Variants in RIMS2 observed in about 807,000 individuals in gnomAD.
RIMS2 encodes the protein regulating synaptic membrane exocytosis 2, also known as regulating synaptic membrane exocytosis protein 2.
Under a neutral mutation model 174.4 loss-of-function variants are expected in RIMS2, and 59 were observed. The ratio of observed to expected loss-of-function variants is 0.34; its 90% CI spans 0.27 to 0.42. RIMS2 has a LOEUF of 0.42. RIMS2 is among the 10% of genes least tolerant of loss of function. The pLI is 1.00. For synonymous variants in RIMS2, 606 were observed against 572.5 expected (o/e 1.06, Z -0.84); for missense variants, 1,620 against 1,666.3 (o/e 0.97, Z 0.48).
intron 19 of RIMS2, chr8:104,015,325 G>T: frequency 1.7e-6 from 1 of 595,146 alleles, no homozygotes; most frequent in Non-Finnish European, 3.0e-6. Context: ...TACATTCTGT[G>T]CTTTTGGAAA....
chr8:104,252,515 G>A (rs1315948920), downstream of RIMS2: 1 of 143,890 alleles, frequency 6.9e-6, no homozygotes, highest in East Asian at 2.2e-4. Flanking sequence ...ATTTTCTTGG[G>A]GCTGCAACTT....
intron 19 of RIMS2, among the ~76,000 whole-genome samples, chr8:104,109,112 A>G (rs1040247745): frequency 6.6e-5 from 10 of 151,916 alleles, no homozygotes; most frequent in Non-Finnish European, 1.2e-4. Context: ...CTTGGCTAAC[A>G]TGGTGAAACC....
chr8:103,816,547 G>A (rs897849252), intron 3 of RIMS2, among the ~76,000 whole-genome samples: 1 of 152,110 alleles, frequency 6.6e-6, no homozygotes, highest in Non-Finnish European at 1.5e-5. Context: ...ATAAGCACAG[G>A]GTATAATGAG....
intron 1 of RIMS2, among the ~76,000 whole-genome samples, chr8:103,594,221 T>A (rs1042672399): frequency 4.0e-5 from 6 of 151,690 alleles, no homozygotes; most frequent in Non-Finnish European, 8.9e-5. Context: ...TTAACAAATG[T>A]CCTTTTTGTG....
At chr8:103,766,129 A>G in intron 2 of RIMS2, 98 bp from the exon 6 acceptor site, 1 of 704,784 alleles carries the variant, frequency 1.4e-6, no homozygotes, top group South Asian at 2.0e-5. Flanking sequence ...TCAGAAGGAT[A>G]ACCACGTAAT....
intron 19 of RIMS2, among the ~76,000 whole-genome samples, chr8:104,089,535 T>A (rs929352660): frequency 6.6e-6 from 1 of 151,976 alleles, no homozygotes; most frequent in Middle Eastern, 3.4e-3. Context: ...TTATAAAAAA[T>A]ATTTTTCGTA....
chr8:104,028,106 G>GT (rs35705394), intron 19 of RIMS2, among the ~76,000 whole-genome samples: 1 of 150,214 alleles, frequency 6.7e-6, no homozygotes, highest in Non-Finnish European at 1.5e-5. Context: ...ATTTTTAAAA[G>GT]TTTTTTTAGA....
chr8:104,009,249 G>A (rs1302049606), intron 17 of RIMS2, among the ~76,000 whole-genome samples: 1 of 150,800 alleles, frequency 6.6e-6, no homozygotes, highest in African/African-American at 2.4e-5. Context: ...AAAATCTGTA[G>A]ACATTCAAGA....
downstream of RIMS2, chr8:104,254,827 A>G (rs1230660570): frequency 3.3e-5 from 5 of 152,304 alleles, no homozygotes; most frequent in South Asian, 2.1e-4. Flanking sequence ...TTTATGCAGC[A>G]TATGTGTTTC....
At chr8:103,779,867 C>T (rs1274219083) in intron 3 of RIMS2, among the ~76,000 whole-genome samples, 1 of 150,188 alleles carries the variant, frequency 6.7e-6, no homozygotes, top group African/African-American at 2.5e-5. Context: ...CAAACCTGCA[C>T]ATTGTGCACA....
chr8:103,722,013 G>A (rs1283888774), intron 2 of RIMS2, among the ~76,000 whole-genome samples: 1 of 152,142 alleles, frequency 6.6e-6, no homozygotes, highest in Non-Finnish European at 1.5e-5. Flanking sequence ...ATGATTTTAT[G>A]AAGATATTGA....
At chr8:103,607,500 A>G (rs2095165574) in intron 1 of RIMS2, among the ~76,000 whole-genome samples, 2 of 150,874 alleles carry the variant, frequency 1.3e-5, no homozygotes, top group Admixed American at 6.6e-5. Flanking sequence ...CTTCTTGAGG[A>G]GTATCTTTGT....
At chr8:104,091,908 G>C (rs2097666655) in intron 19 of RIMS2, among the ~76,000 whole-genome samples, 1 of 151,596 alleles carries the variant, frequency 6.6e-6, no homozygotes. Context: ...GCAATTTTTA[G>C]AAGAATTTAA....
At chr8:103,529,429 G>A (rs996927363) in intron 1 of RIMS2, among the ~76,000 whole-genome samples, 3 of 152,218 alleles carry the variant, frequency 2.0e-5, no homozygotes, top group African/African-American at 7.2e-5. Flanking sequence ...TCCGAGCCAT[G>A]CGCGGGATAT....
chr8:104,166,433 G>A (rs924589614), intron 19 of RIMS2, among the ~76,000 whole-genome samples: 8 of 152,108 alleles, frequency 5.3e-5, no homozygotes, highest in Non-Finnish European at 1.0e-4. Context: ...TCAATGAAAT[G>A]AGATAGGAAT....
At chr8:103,600,753 T>C (rs1241528469) in intron 1 of RIMS2, among the ~76,000 whole-genome samples, 1 of 152,130 alleles carries the variant, frequency 6.6e-6, no homozygotes, top group East Asian at 1.9e-4. Flanking sequence ...AACATTTTAG[T>C]TTTTTTGAGG....
At chr8:104,135,057 C>A (rs996647329) in intron 19 of RIMS2, among the ~76,000 whole-genome samples, 1 of 151,778 alleles carries the variant, frequency 6.6e-6, no homozygotes, top group Non-Finnish European at 1.5e-5. Flanking sequence ...ATGAATTTTC[C>A]ATTAATTTTT....
chr8:104,151,001 T>C (rs1201915107), intron 19 of RIMS2, among the ~76,000 whole-genome samples: 1 of 152,020 alleles, frequency 6.6e-6, no homozygotes, highest in Non-Finnish European at 1.5e-5. Flanking sequence ...TAAACTTAAG[T>C]CCATACCTGG....
At chr8:104,108,214 A>G (rs1325941600) in intron 19 of RIMS2, among the ~76,000 whole-genome samples, 1 of 151,954 alleles carries the variant, frequency 6.6e-6, no homozygotes, top group Non-Finnish European at 1.5e-5. Flanking sequence ...TTAAATTCTA[A>G]TGGTATCTTT....
Sources: allele counts gnomAD v4.1 joint callset (sites outside exome capture counted in the v4.1 genomes callset), GRCh38; gene constraint gnomAD v4.1.1; transcripts MANE v1.5; gene names NCBI Gene and HGNC (gene_info 2026-07-23, HGNC 2026-07-21).